The following GALNT13 variants were observed in gnomAD, a reference collection of about 807,000 sequenced individuals.
The protein encoded by GALNT13 is polypeptide N-acetylgalactosaminyltransferase 13.
A neutral mutation model predicts 64.2 loss-of-function variants in GALNT13; 28 were observed. The observed-to-expected ratio is 0.44, with a 90% CI of 0.32 to 0.60. GALNT13 has a LOEUF of 0.60. GALNT13 is among the 20% of genes least tolerant of loss of function. GALNT13 has a pLI of 0.05. For missense variants in GALNT13, 577 were observed against 669.8 expected (o/e 0.86, Z 1.53); for synonymous variants, 214 against 224.6 (o/e 0.95, Z 0.42).
intron 3 of GALNT13, among the ~76,000 whole-genome samples, chr2:154,126,795 G>A (rs1376236235): frequency 1.3e-5 from 2 of 152,176 alleles, no homozygotes; most frequent in Non-Finnish European, 2.9e-5. Context: ...AACATGCAAT[G>A]CATGTACCAA....
In GALNT13 at chr2:154,328,732, A is replaced by G. The variant is rs1335612585; in HGVS notation, c.1156+27143A>G. On this transcript the variant is annotated intron_variant, in intron 9 of 12. Coordinates refer to ENST00000392825, the MANE Select transcript of GALNT13 (RefSeq NM_052917.4). ...AAGATAATGCCCAGTGTTTTTCTAAAGTTGTGCCAACATTACAACCCACAA... is the reference window on the plus strand; with the variant it reads ...AAGATAATGCCCAGTGTTTTTCTAAGGTTGTGCCAACATTACAACCCACAA... 2.6e-5 allele frequency among the ~76,000 whole-genome samples: 4 copies of G among 152,140 alleles called. No homozygotes were observed. In the East Asian group the frequency reaches 7.7e-4, roughly 29 times the overall value.
At chr2:153,625,097 T>G in the GALNT13 span, among the ~76,000 whole-genome samples, 1 of 152,098 alleles carries the variant, frequency 6.6e-6, no homozygotes, top group African/African-American at 2.4e-5. Flanking sequence ...GATTTTTCAA[T>G]TTTAGTCAGT....
the GALNT13 span, among the ~76,000 whole-genome samples, chr2:153,722,579 AAAG>A: frequency 6.6e-6 from 1 of 151,806 alleles, no homozygotes; most frequent in African/African-American, 2.4e-5. Flanking sequence ...ATAAAGAAAA[AAAG>A]AAGAATCAAA....
chr2:154,211,586 C>T (rs1687765635), intron 4 of GALNT13, among the ~76,000 whole-genome samples: 1 of 122,206 alleles, frequency 8.2e-6, no homozygotes, highest in Admixed American at 1.1e-4. Context: ...CAAGATTGCA[C>T]CATTGCACTC....
chr2:154,315,474 C>G (rs1574074663), intron 9 of GALNT13, among the ~76,000 whole-genome samples: 1 of 152,112 alleles, frequency 6.6e-6, no homozygotes, highest in African/African-American at 2.4e-5. Context: ...AAGCCTTCTG[C>G]CTGATTTTAT....
intron 4 of GALNT13, among the ~76,000 whole-genome samples, chr2:154,153,361 G>T (rs1486727166): frequency 6.6e-6 from 1 of 152,186 alleles, no homozygotes; most frequent in Non-Finnish European, 1.5e-5. Context: ...TCCCAGTTAG[G>T]CTGCTCGGGG....
chr2:153,888,836 A>G (rs1157505780), intron 1 of GALNT13, among the ~76,000 whole-genome samples: 2 of 151,958 alleles, frequency 1.3e-5, no homozygotes, highest in Non-Finnish European at 2.9e-5. Context: ...AATTATAATT[A>G]TTTTATTTAT....
chr2:153,499,966 G>C, the GALNT13 span, among the ~76,000 whole-genome samples: 613 of 152,124 alleles, frequency 4.0e-3, 5 homozygotes, highest in African/African-American at 0.014. Flanking sequence ...CAGCTCTCCC[G>C]CCTGCTGCTT....
the GALNT13 span, among the ~76,000 whole-genome samples, chr2:153,176,349 A>G: frequency 6.6e-6 from 1 of 152,170 alleles, no homozygotes; most frequent in East Asian, 1.9e-4. Context: ...ATGAAAATGT[A>G]AGGGAGATTG....
At chr2:154,197,859 A>T (rs911575315) in intron 4 of GALNT13, among the ~76,000 whole-genome samples, 1 of 152,198 alleles carries the variant, frequency 6.6e-6, no homozygotes, top group Non-Finnish European at 1.5e-5. Context: ...TTGATCTAGT[A>T]TAAAAGTATC....
At chr2:153,419,159 C>A in the GALNT13 span, among the ~76,000 whole-genome samples, 5 of 152,132 alleles carry the variant, frequency 3.3e-5, no homozygotes, top group African/African-American at 7.2e-5. Context: ...AGGAAACTTA[C>A]AATCATGGTG....
chr2:153,508,514 A>C, the GALNT13 span, among the ~76,000 whole-genome samples: 6 of 152,036 alleles, frequency 3.9e-5, no homozygotes, highest in Non-Finnish European at 1.5e-5. Flanking sequence ...GCAGTCACAG[A>C]TCTGACTCTA....
chr2:153,411,699 G>C, the GALNT13 span, among the ~76,000 whole-genome samples: 1 of 152,160 alleles, frequency 6.6e-6, no homozygotes, highest in African/African-American at 2.4e-5. Flanking sequence ...AGCTTCTTAT[G>C]AAGGAAAGAA....
chr2:153,300,421 C>T, the GALNT13 span, among the ~76,000 whole-genome samples: 1 of 152,062 alleles, frequency 6.6e-6, no homozygotes, highest in Non-Finnish European at 1.5e-5. Context: ...ACAGGGAAAG[C>T]TGGGATAATT....
At chr2:153,126,573 T>G in the GALNT13 span, among the ~76,000 whole-genome samples, 1 of 151,972 alleles carries the variant, frequency 6.6e-6, no homozygotes, top group Non-Finnish European at 1.5e-5. Context: ...GCCCACGTCT[T>G]TCCACTATGC....
intron 3 of GALNT13, among the ~76,000 whole-genome samples, chr2:154,025,252 G>T (rs753555713): frequency 1.4e-3 from 206 of 152,272 alleles, no homozygotes; most frequent in Non-Finnish European, 2.4e-3. Context: ...CCCGTCTTCT[G>T]CGTCACTCAC....
intron 3 of GALNT13, among the ~76,000 whole-genome samples, chr2:154,126,308 C>G (rs1167454168): frequency 4.6e-5 from 7 of 152,026 alleles, no homozygotes; most frequent in Admixed American, 4.6e-4. Flanking sequence ...TGGTGCCAAA[C>G]AATTCTATAT....
At chr2:153,251,796 G>A in the GALNT13 span, among the ~76,000 whole-genome samples, 3 of 151,882 alleles carry the variant, frequency 2.0e-5, no homozygotes, top group African/African-American at 7.3e-5. Flanking sequence ...CAAAGGACAT[G>A]AACTCATCAT....
chr2:154,034,572 C>T (rs538365051), intron 3 of GALNT13, among the ~76,000 whole-genome samples: 1 of 137,220 alleles, frequency 7.3e-6, no homozygotes, highest in South Asian at 2.2e-4. Context: ...AATTTCTCAT[C>T]CTTCACTACC....
Sources: allele counts gnomAD v4.1 joint callset (sites outside exome capture counted in the v4.1 genomes callset), GRCh38; gene constraint gnomAD v4.1.1; transcripts MANE v1.5; gene names NCBI Gene and HGNC (gene_info 2026-07-23, HGNC 2026-07-21).